Variants in SGCD observed in about 807,000 individuals in gnomAD.
SGCD encodes the protein delta-sarcoglycan.
A neutral mutation model predicts 36.6 loss-of-function variants in SGCD; 18 were observed. The observed-to-expected ratio is 0.49, with a 90% confidence interval of 0.34 to 0.73. The LOEUF (loss-of-function observed/expected upper bound fraction) is 0.73, where lower values mean the gene tolerates loss of function less well. Among genes scored for constraint, SGCD ranks in the 30% least tolerant of loss-of-function variants. The pLI, the probability that SGCD is intolerant of heterozygous loss-of-function variation, is 0.01. For synonymous variants in SGCD, 133 were observed against 130.6 expected (o/e 1.02, Z -0.12); for missense variants, 387 against 346.7 (o/e 1.12, Z -0.92).
Position 156,069,417 on chromosome 5 carries a change from G to A in SGCD, c.-281-48461G>A, listed in dbSNP as rs188202743. Among the ~76,000 whole-genome samples the A allele has an allele frequency of 1.2e-3, 188 of 152,026 alleles. 1 individual carries two copies. In the East Asian group the frequency reaches 0.024, roughly 19 times the overall value. ...ATTGCTTGTTTTTCTCAGGTTTGTC[G>A]AAGATCAGATAGTTGTAGATATGTG... On this transcript the variant is annotated intron_variant, in intron 1 of 9. Coordinates refer to the SGCD transcript ENST00000517913.
chr5:156,327,518 C>T (rs1580824464), intron 1 of SGCD, among the ~76,000 whole-genome samples: 1 of 152,188 alleles, frequency 6.6e-6, no homozygotes, highest in Admixed American at 6.5e-5. Flanking sequence ...TATGTTGTCA[C>T]CCTGCTCCAA....
At chr5:156,318,532 T>C (rs1245103380) in intron 3 of SGCD, among the ~76,000 whole-genome samples, 1 of 152,034 alleles carries the variant, frequency 6.6e-6, no homozygotes, top group Admixed American at 6.5e-5. Flanking sequence ...ATTCAGTGCT[T>C]GAATGAACTC....
Position 156,734,225 on chromosome 5 carries a change from A to G in SGCD, c.576-23356A>G, listed in dbSNP as rs560602245. Among the ~76,000 whole-genome samples, 4 of 152,208 alleles carry G rather than the reference A, an allele frequency of 2.6e-5. No homozygotes were observed. In the East Asian group the frequency reaches 5.8e-4, roughly 22 times the overall value. On this transcript the variant is annotated intron_variant, in intron 7 of 8. Coordinates refer to ENST00000337851, the MANE Select transcript of SGCD (RefSeq NM_000337.6). ...ACTGTCCCCCAATCTCTTCTGGCTC[A>G]TAGGGTTTCTGCTGAAAGGTCTTCT...
At chr5:156,114,229 C>T (rs1316817106) in intron 1 of SGCD, among the ~76,000 whole-genome samples, 2 of 151,942 alleles carry the variant, frequency 1.3e-5, no homozygotes, top group African/African-American at 2.4e-5. Context: ...TTATGCTGTG[C>T]ATTTGAAGGG....
chr5:156,695,310 G>T, intron 7 of SGCD, among the ~76,000 whole-genome samples: 1 of 152,028 alleles, frequency 6.6e-6, no homozygotes, highest in East Asian at 1.9e-4. Flanking sequence ...ACCATAATGT[G>T]AGTGGGCATC....
rs1397860739 is a variant in SGCD, at chr5:156,112,575, G to GT, written c.-281-5295dup. 2.0e-5 allele frequency among the ~76,000 whole-genome samples: 3 copies of GT among 151,926 alleles called. No homozygotes were observed. The East Asian group carries it at 5.8e-4, about 29-fold the overall frequency. ...GGTTTTAAGGGATTGTTATGGTTTG[G>GT]TTTTTTTTGAGAATTGAGAACCAGG... On this transcript the variant is annotated intron_variant, in intron 1 of 9. Transcript: ENST00000517913.
chr5:156,144,335 C>G (rs1435884324), intron 3 of SGCD, among the ~76,000 whole-genome samples: 1 of 152,086 alleles, frequency 6.6e-6, no homozygotes, highest in Non-Finnish European at 1.5e-5. Flanking sequence ...AATGGTTGAA[C>G]TAGTTTACAG....
At chr5:156,651,073 A>C (rs1763441265) in intron 7 of SGCD, among the ~76,000 whole-genome samples, 2 of 151,802 alleles carry the variant, frequency 1.3e-5, no homozygotes, top group African/African-American at 4.8e-5. Context: ...AGCATTTTTC[A>C]TGTTTTTTGG....
chr5:156,547,172 G>C (rs1488050206), intron 4 of SGCD, among the ~76,000 whole-genome samples: 1 of 152,154 alleles, frequency 6.6e-6, no homozygotes, highest in Non-Finnish European at 1.5e-5. Context: ...TCAGAACTAT[G>C]ATAATACATT....
intron 3 of SGCD, among the ~76,000 whole-genome samples, chr5:156,282,398 A>G (rs1050388963): frequency 1.3e-5 from 2 of 152,218 alleles, no homozygotes; most frequent in African/African-American, 2.4e-5. Context: ...TACCCCTCCC[A>G]GCAGAGTTGC....
chr5:156,352,374 G>A (rs994314794), intron 3 of SGCD, among the ~76,000 whole-genome samples: 3 of 152,182 alleles, frequency 2.0e-5, no homozygotes, highest in Admixed American at 6.5e-5. Flanking sequence ...CACCCCAGCT[G>A]CTCTGGAAAC....
chr5:155,805,884 G>A, the SGCD span, among the ~76,000 whole-genome samples: 1 of 152,176 alleles, frequency 6.6e-6, no homozygotes, highest in Non-Finnish European at 1.5e-5. Context: ...CTGAAGTAAG[G>A]TGTTCTCCAG....
chr5:156,625,173 A>T (rs1313509527), intron 6 of SGCD, among the ~76,000 whole-genome samples: 1 of 152,222 alleles, frequency 6.6e-6, no homozygotes. Flanking sequence ...GAAAGTTCTT[A>T]GAGACTGGCT....
At chr5:156,200,793 G>A (rs1009106106) in intron 3 of SGCD, among the ~76,000 whole-genome samples, 1 of 152,104 alleles carries the variant, frequency 6.6e-6, no homozygotes, top group Non-Finnish European at 1.5e-5. Flanking sequence ...ACACACCTAT[G>A]TTCTTTGTAG....
intron 3 of SGCD, among the ~76,000 whole-genome samples, chr5:156,424,434 A>G (rs948419420): frequency 6.6e-6 from 1 of 152,020 alleles, no homozygotes; most frequent in Non-Finnish European, 1.5e-5. Context: ...CCCTTCAGAT[A>G]TGTGTGAGGA....
At chr5:155,993,592 G>T (rs6889789) in intron 1 of SGCD, among the ~76,000 whole-genome samples, 1 of 152,010 alleles carries the variant, frequency 6.6e-6, no homozygotes, top group Non-Finnish European at 1.5e-5. Context: ...TGATCCACCC[G>T]CCTCAGCCTT....
chr5:156,084,981 G>A (rs988551338), intron 1 of SGCD, among the ~76,000 whole-genome samples: 1 of 152,054 alleles, frequency 6.6e-6, no homozygotes, highest in East Asian at 1.9e-4. Context: ...TTGATATGAT[G>A]GATTACACAG....
At chr5:155,900,313 T>TAA in intron 1 of SGCD, among the ~76,000 whole-genome samples, 1 of 152,136 alleles carries the variant, frequency 6.6e-6, no homozygotes, top group African/African-American at 2.4e-5. Flanking sequence ...GATAACAAAA[T>TAA]AGAGTACAGA....
chr5:156,272,663 C>A (rs75300904), intron 3 of SGCD, among the ~76,000 whole-genome samples: 4,154 of 152,270 alleles, frequency 0.027, 79 homozygotes, highest in Non-Finnish European at 0.043. Context: ...TTGCTGTCTG[C>A]TAAAAACTAT....
Sources: allele counts gnomAD v4.1 joint callset (sites outside exome capture counted in the v4.1 genomes callset), GRCh38; gene constraint gnomAD v4.1.1; transcripts MANE v1.5; gene names NCBI Gene and HGNC (gene_info 2026-07-23, HGNC 2026-07-21).